Variants in CFHR4 observed in about 807,000 individuals in gnomAD.
The protein encoded by CFHR4 is complement factor H related 4.
Under a neutral mutation model 69.3 loss-of-function variants are expected in CFHR4, and 64 were observed. The ratio of observed to expected loss-of-function variants is 0.92; its 90% CI spans 0.76 to 1.14. The LOEUF (loss-of-function observed/expected upper bound fraction) is 1.14, where lower values mean the gene tolerates loss of function less well. CFHR4 is among the 50% of genes most tolerant of loss of function. The pLI is 0.00. For synonymous variants in CFHR4, 244 were observed against 237.0 expected, an observed-to-expected ratio of 1.03 and a Z score of -0.27; for missense variants, 636 against 684.9, an observed-to-expected ratio of 0.93 and a Z score of 0.80.
Position 196,907,012 on chromosome 1 carries a change from C to G in CFHR4, c.591C>G (p.Gly197=), listed in dbSNP as rs1336283254. 2 of 1,611,080 alleles carry G rather than the reference C, an allele frequency of 1.2e-6. No individual in the cohort carries two copies. Among genetic ancestry groups the G allele is most frequent in the African/African-American group, 1.3e-5 (1 of 74,294 alleles). ...ATTCCATAGTGTGTGGTGAAGATGGCTGGTCCCATTTGCCAACATGCTATA... is the reference window on the plus strand; with the variant it reads ...ATTCCATAGTGTGTGGTGAAGATGGGTGGTCCCATTTGCCAACATGCTATA... ...TTDSIVCGED[G]WSHLPTCYNS... Residue 197 remains glycine (G), a synonymous_variant, in exon 4 of 10, where the codon GGC becomes GGG. Transcript: ENST00000608469.
At chr1:196,916,774 C>T (rs528138881) in intron 9 of CFHR4, among the ~76,000 whole-genome samples, 1 of 151,404 alleles carries the variant, frequency 6.6e-6, no homozygotes, top group Admixed American at 6.6e-5. Flanking sequence ...CCTCTTCTCA[C>T]AATCAAGAAC....
chr1:196,902,586 A>T lies in CFHR4; in HGVS notation c.227A>T (p.Asp76Val). The part of the protein sequence containing the change: ...SYWDYIHCTQ[D>V]GWSPTVPCLR... ...TGGGATTACATTCATTGCACACAAG[A>T]TGGTTGGTCACCAACGGTCCCATGC... is the stretch of plus-strand genomic sequence containing the variant. The change falls in exon 2 of 10, where the codon GAT becomes GTT. Residue 76 changes from aspartate to valine, a missense_variant. Around this residue, in one of 3 missense-constraint regions of CFHR4, gnomAD observed 529 missense variants for 533.2 expected, o/e 0.99. Transcript: ENST00000608469. 1 of 1,612,324 alleles carries T rather than the reference A, an allele frequency of 6.2e-7. No homozygotes were observed. The highest frequency in any genetic ancestry group is 8.5e-7 in the Non-Finnish European group (1 of 1,179,264).
At chr1:196,898,561 A>G (rs779804164) in intron 1 of CFHR4, among the ~76,000 whole-genome samples, 3 of 151,602 alleles carry the variant, frequency 2.0e-5, no homozygotes, top group Admixed American at 6.6e-5. Context: ...TATTCTTCCA[A>G]TGTCCAAAAT....
Position 196,910,335 on chromosome 1 carries a change from A to G in CFHR4, c.854A>G (p.Asn285Ser). ...EIQHGHLYYE[N>S]TRRPYFPVAT... ...CAACATGGACATCTATATTATGAGA[A>G]TACGCGTAGACCATACTTTCCAGTA... Residue 285 changes from asparagine to serine, a missense_variant, in exon 6 of 10, where the codon AAT (asparagine) becomes AGT (serine). Asn to Ser is a conservative substitution (Grantham distance 46). This residue lies in a region of CFHR4 where 529 missense variants were observed against 533.2 expected (regional missense o/e 0.99). Transcript: ENST00000608469. The G allele has an allele frequency of 6.2e-7, 1 of 1,611,298 alleles. No homozygotes were observed. The highest frequency in any genetic ancestry group is 8.5e-7 in the Non-Finnish European group (1 of 1,178,786).
chr1:196,889,121 A>G (rs1359038814), intron 1 of CFHR4, among the ~76,000 whole-genome samples: 1 of 151,488 alleles, frequency 6.6e-6, no homozygotes, highest in Non-Finnish European at 1.5e-5. Context: ...GTAATGGAGG[A>G]TAATATTGGA....
At chr1:196,892,467 C>A (rs541999326) in intron 1 of CFHR4, among the ~76,000 whole-genome samples, 1 of 151,286 alleles carries the variant, frequency 6.6e-6, no homozygotes, top group Admixed American at 6.6e-5. Flanking sequence ...GGGAACACCA[C>A]AAATGCAGAA....
At chr1:196,892,684 CAA>C (rs1657098136) in intron 1 of CFHR4, among the ~76,000 whole-genome samples, 1 of 151,522 alleles carries the variant, frequency 6.6e-6, no homozygotes, top group African/African-American at 2.4e-5. Flanking sequence ...CCATTTATCT[CAA>C]GAGAACTAAT....
chr1:196,890,413 AG>A (rs1218560710), intron 1 of CFHR4, among the ~76,000 whole-genome samples: 1 of 151,594 alleles, frequency 6.6e-6, no homozygotes, highest in Non-Finnish European at 1.5e-5. Flanking sequence ...GCTATTTGAA[AG>A]ATAAACTTGA....
In CFHR4 at chr1:196,912,781, A is replaced by G. The variant is rs78464831; in HGVS notation, c.1039A>G (p.Ile347Val). 918 of 1,598,454 alleles carry G rather than the reference A, an allele frequency of 5.7e-4. 20 individuals carry two copies. The African/African-American group carries it at 0.011, about 19-fold the overall frequency. ...AGATATAGAAATTGAAAATGGATTC[A>G]TTTCTGAATCTTCCTCTATTTATAT... is the stretch of plus-strand genomic sequence containing the variant. ...KSDIEIENGF[I>V]SESSSIYILN... The change falls in exon 7 of 10, where the codon ATT (isoleucine) becomes GTT (valine). Residue 347 changes from isoleucine to valine, a missense_variant. This residue lies in a region of CFHR4 where 529 missense variants were observed against 533.2 expected (regional missense o/e 0.99). Transcript: ENST00000608469.
rs1311438231 is a variant in CFHR4, at chr1:196,917,847, G to C, written c.1541-363G>C. 3.4e-5 allele frequency among the ~76,000 whole-genome samples: 5 copies of C among 146,090 alleles called. 1 individual carries two copies. In the South Asian group the frequency reaches 1.1e-3, roughly 31 times the overall value. On this transcript the variant is annotated intron_variant, in intron 9 of 9. Coordinates refer to ENST00000608469, the MANE Select transcript of CFHR4 (RefSeq NM_001201550.3). ...GCTTGTAGTCACGGCTTGTCAAATG[G>C]GGGAAAGGAGGATAAGTAACCATGA...
rs770171553 is a variant in CFHR4 at position 196,902,633 on chromosome 1, C to T, written c.256+18C>T. ...ATGCCTCAGTAAGTAAACCTCTTTA[C>T]AAGAATATGTGCATAAAACTTGAAA... On this transcript the variant is annotated intron_variant, in intron 2 of 9. Transcript: ENST00000608469. The T allele has an allele frequency of 2.6e-6, 4 of 1,558,926 alleles. 1 individual carries two copies. The highest frequency in any genetic ancestry group is 1.7e-5 in the Admixed American group (1 of 59,472).
intron 3 of CFHR4, among the ~76,000 whole-genome samples, chr1:196,905,880 A>G (rs747157508): frequency 1.3e-5 from 2 of 151,472 alleles, no homozygotes; most frequent in Non-Finnish European, 2.9e-5. Flanking sequence ...ATACTTGGCA[A>G]TGGATTCCTT....
At chr1:196,914,448 G>T in intron 7 of CFHR4, 47 bp from the exon 8 acceptor site, 1 of 1,562,386 alleles carries the variant, frequency 6.4e-7, no homozygotes, top group Non-Finnish European at 8.7e-7. Flanking sequence ...GTTGAGTTGT[G>T]CATCGTATGG....
chr1:196,895,202 C>G (rs960103679), intron 1 of CFHR4, among the ~76,000 whole-genome samples: 3 of 151,452 alleles, frequency 2.0e-5, no homozygotes, highest in Admixed American at 6.6e-5. Flanking sequence ...CACTGCACTC[C>G]TCCCTGGGTG....
At chr1:196,897,914 C>T (rs1657399516) in intron 1 of CFHR4, among the ~76,000 whole-genome samples, 1 of 151,254 alleles carries the variant, frequency 6.6e-6, no homozygotes, top group Admixed American at 6.6e-5. Context: ...GTCTCCTTTC[C>T]GTATCAAAGA....
At chr1:196,892,529 C>T (rs1305279537) in intron 1 of CFHR4, among the ~76,000 whole-genome samples, 1 of 151,188 alleles carries the variant, frequency 6.6e-6, no homozygotes, top group Non-Finnish European at 1.5e-5. Context: ...GAATTTCCCC[C>T]AAAAAAAGTT....
chr1:196,902,514 A>C lies in CFHR4; in HGVS notation c.155A>C (p.Tyr52Ser). 6.2e-7 allele frequency: 1 copy of C among 1,611,096 alleles called. No individual in the cohort carries two copies. The highest frequency in any genetic ancestry group is 8.5e-7 in the Non-Finnish European group (1 of 1,178,142). Reference sequence around the variant, plus strand: ...TTTCCAGCAGCTGCAGGACAATCTTATTCCTATTACTGTGATCAAAATTTT... The same window carrying C: ...TTTCCAGCAGCTGCAGGACAATCTTCTTCCTATTACTGTGATCAAAATTTT... The part of the protein sequence containing the change: ...LYFPAAAGQS[Y>S]SYYCDQNFVT... Residue 52 changes from tyrosine to serine, a missense_variant, in exon 2 of 10, where the codon TAT becomes TCT. By Grantham distance (144) the Tyr-to-Ser change is moderately radical. Transcript: ENST00000608469.
intron 1 of CFHR4, among the ~76,000 whole-genome samples, chr1:196,889,596 T>C (rs1355550591): frequency 6.6e-6 from 1 of 151,582 alleles, no homozygotes; most frequent in Non-Finnish European, 1.5e-5. Context: ...AAATGTCTTG[T>C]AAATTTGGGT....
At chr1:196,899,626 T>C (rs1657490550) in intron 1 of CFHR4, among the ~76,000 whole-genome samples, 1 of 151,544 alleles carries the variant, frequency 6.6e-6, no homozygotes, top group African/African-American at 2.4e-5. Context: ...AAGGTAGCTA[T>C]TGTAACTGTG....
Sources: allele counts gnomAD v4.1 joint callset (sites outside exome capture counted in the v4.1 genomes callset), GRCh38; gene constraint gnomAD v4.1.1; regional missense constraint gnomAD v4.1.1; transcripts MANE v1.5; gene names NCBI Gene and HGNC (gene_info 2026-07-23, HGNC 2026-07-21).